The following ATG4A variants were observed in gnomAD, a reference collection of about 807,000 sequenced individuals.
The protein encoded by ATG4A is cysteine protease ATG4A.
ATG4A carries 22 observed loss-of-function variants against 38.4 expected under a neutral mutation model. The ratio of observed to expected loss-of-function variants is 0.57; its 90% CI spans 0.41 to 0.82. The LOEUF (loss-of-function observed/expected upper bound fraction) is 0.82. ATG4A is among the 40% of genes least tolerant of loss of function. The pLI is 0.00. For missense variants in ATG4A, 220 were observed against 290.0 expected, an observed-to-expected ratio of 0.76 and a Z score of 1.75; for synonymous variants, 86 against 100.7, an observed-to-expected ratio of 0.85 and a Z score of 0.88.
intron 1 of ATG4A, among the ~76,000 whole-genome samples, chrX:108,110,285 C>A (rs2032322097): frequency 1.9e-5 from 2 of 107,821 alleles, no homozygotes; most frequent in Middle Eastern, 9.4e-3. Context: ...CAAGAGGATC[C>A]CTTAAGCCCA....
intron 5 of ATG4A, 40 bp downstream of exon 5, chrX:108,134,198 C>T: frequency 8.7e-7 from 1 of 1,145,570 alleles, no homozygotes; most frequent in Non-Finnish European, 1.2e-6. Flanking sequence ...AGTGCCTATT[C>T]CTGTTCCTTC....
intron 4 of ATG4A, among the ~76,000 whole-genome samples, chrX:108,132,630 AGATTTG>A (rs1217999579): frequency 9.0e-6 from 1 of 110,985 alleles, no homozygotes; most frequent in Non-Finnish European, 1.9e-5. Flanking sequence ...AAGAAATCAA[AGATTTG>A]GGGATAAAAT....
At chrX:108,141,929 A>G (rs2033305040) in intron 9 of ATG4A, among the ~76,000 whole-genome samples, 1 of 111,695 alleles carries the variant, frequency 9.0e-6, no homozygotes, top group South Asian at 3.8e-4. Context: ...TCGCCCAAAT[A>G]TTGAGCATTG....
chrX:108,126,076 G>A lies in ATG4A; in HGVS notation c.11-1G>A. On this transcript the variant is annotated splice_acceptor_variant, in intron 1 of 12. Coordinates refer to ENST00000372232, the MANE Select transcript of ATG4A (RefSeq NM_052936.5). LOFTEE classifies it high-confidence loss of function. Reference sequence around the variant, plus strand: ...TACTTGTTTCTTTCCTTTTCTTTCAGTTTTATCCAAGTATGAAGATCAGAT... The same window carrying A: ...TACTTGTTTCTTTCCTTTTCTTTCAATTTTATCCAAGTATGAAGATCAGAT... The A allele has an allele frequency of 1.7e-5, 20 of 1,165,865 alleles. No homozygotes were observed. The highest frequency in any genetic ancestry group is 2.3e-5 in the Non-Finnish European group (20 of 858,644).
Position 108,153,948 on chromosome X carries a change from G to T in ATG4A, c.*236G>T. 1 of 294,904 alleles carries T rather than the reference G, an allele frequency of 3.4e-6. No individual in the cohort carries two copies. The allele number at this position is 294,904 out of a possible 1,213,427, so 24.3% of individuals were successfully genotyped here. On this transcript the variant is annotated 3_prime_UTR_variant, in exon 13 of 13. Coordinates refer to ENST00000372232, the MANE Select transcript of ATG4A (RefSeq NM_052936.5). The stretch of plus-strand genomic sequence containing the variant: ...CAATCATGGAGCCTAGGAGCAGAGA[G>T]ATGAGGAGGAGTTCATTGCTTCCCA...
chrX:108,098,331 CTTGTT>C (rs2147956131), intron 1 of ATG4A, among the ~76,000 whole-genome samples: 1 of 111,972 alleles, frequency 8.9e-6, no homozygotes, highest in African/African-American at 3.2e-5. Context: ...CTTCCACACT[CTTGTT>C]TTAAGTTGTT....
At chrX:108,097,217 A>G (rs1349030597) in intron 1 of ATG4A, among the ~76,000 whole-genome samples, 1 of 112,003 alleles carries the variant, frequency 8.9e-6, no homozygotes, top group African/African-American at 3.2e-5. Context: ...GCTATAATAG[A>G]AATCCAGGCA....
chrX:108,137,623 A>G (rs1475658749), intron 7 of ATG4A, among the ~76,000 whole-genome samples, 181 bp from the exon 8 acceptor site: 1 of 111,749 alleles, frequency 8.9e-6, no homozygotes. Context: ...GAAGAGCATG[A>G]GCCCTAGAGG....
chrX:108,101,743 C>T (rs1169868680), intron 1 of ATG4A, among the ~76,000 whole-genome samples: 3 of 108,220 alleles, frequency 2.8e-5, no homozygotes, highest in Admixed American at 1.0e-4. Flanking sequence ...CCATTTCCCA[C>T]CCCCCACCAA....
upstream of ATG4A, chrX:108,091,500 G>A (rs1201809104): frequency 1.7e-6 from 2 of 1,211,579 alleles, no homozygotes; most frequent in Non-Finnish European, 2.2e-6. Context: ...AGACCATTAG[G>A]TTAGACACAC....
intron 9 of ATG4A, among the ~76,000 whole-genome samples, chrX:108,140,754 T>C (rs1282689892): frequency 9.9e-6 from 1 of 100,625 alleles, no homozygotes; most frequent in Non-Finnish European, 2.0e-5. Context: ...ACATTGTATA[T>C]ATAAATGTAT....
chrX:108,140,242 TTTTGTGAAG>T (rs1274524597), intron 9 of ATG4A, among the ~76,000 whole-genome samples: 4 of 111,345 alleles, frequency 3.6e-5, no homozygotes, highest in African/African-American at 9.8e-5. Flanking sequence ...TCAGAGTAGC[TTTTGTGAAG>T]TTTGACTACT....
intron 9 of ATG4A, among the ~76,000 whole-genome samples, chrX:108,148,237 G>A (rs1045308148): frequency 1.9e-5 from 2 of 106,485 alleles, no homozygotes; most frequent in Non-Finnish European, 3.9e-5. Context: ...CGTAGGCTGG[G>A]AGGCTAGGGC....
At chrX:108,089,161 G>A (rs760219573), upstream of ATG4A, among the ~76,000 whole-genome samples, 72 of 112,393 alleles carry the variant, frequency 6.4e-4, no homozygotes, top group Non-Finnish European at 1.0e-3. Flanking sequence ...CATTATTTAC[G>A]TACTTTTATG....
At chrX:108,146,070 G>A (rs112383173) in intron 9 of ATG4A, among the ~76,000 whole-genome samples, 134 of 111,656 alleles carry the variant, frequency 1.2e-3, no homozygotes, top group African/African-American at 3.8e-3. Flanking sequence ...CTAAAAGGCC[G>A]GAGGTCTCCT....
chrX:108,122,441 T>C (rs1359310807), intron 1 of ATG4A, among the ~76,000 whole-genome samples: 1 of 111,803 alleles, frequency 8.9e-6, no homozygotes, highest in Admixed American at 9.5e-5. Flanking sequence ...AATGGCTGCA[T>C]GTTGATAAGA....
chrX:108,126,717 G>C lies in ATG4A; in HGVS notation c.121+530G>C. ...CACTGTCTCAGTTTATTCTGATTTT[G>C]TATAGAACTTTTAGCCACTGCAGCT... On this transcript the variant is annotated intron_variant, in intron 2 of 12. Coordinates refer to ENST00000372232, the MANE Select transcript of ATG4A (RefSeq NM_052936.5). 1.1e-5 allele frequency: 11 copies of C among 966,281 alleles called. No homozygotes were observed. In the South Asian group the frequency reaches 2.2e-4, roughly 20 times the overall value. The allele number at this position is 966,281 out of a possible 1,213,427, so 79.6% of individuals were successfully genotyped here.
At chrX:108,127,491 G>T (rs1174694282) in intron 2 of ATG4A, among the ~76,000 whole-genome samples, 1 of 111,878 alleles carries the variant, frequency 8.9e-6, no homozygotes, top group East Asian at 2.8e-4. Flanking sequence ...CCCATTTATG[G>T]ATGAGGAAAC....
intron 1 of ATG4A, 59 bp downstream of exon 1, chrX:108,091,895 C>T (rs2031640575): frequency 2.5e-6 from 3 of 1,204,815 alleles, no homozygotes; most frequent in Non-Finnish European, 2.2e-6. Flanking sequence ...TAGTCGCTGG[C>T]GGGTCGTTGA....
Sources: gnomAD v4.1 joint callset for allele counts (sites outside exome capture counted in the v4.1 genomes callset) on GRCh38, gnomAD v4.1.1 for gene constraint, MANE v1.5 for transcripts, NCBI Gene and HGNC (gene_info 2026-07-23, HGNC 2026-07-21) for gene names.